The following MAP2K1 variants were observed in gnomAD, a reference collection of about 807,000 sequenced individuals.
MAP2K1 encodes mitogen-activated protein kinase kinase 1.
In MAP2K1, 16 loss-of-function variants were observed where a neutral mutation model predicts 46.3. The observed-to-expected ratio is 0.35, with a 90% CI of 0.23 to 0.52. The LOEUF (loss-of-function observed/expected upper bound fraction) is 0.52. Ranked by LOEUF, MAP2K1 falls within the 20% of genes least tolerant of loss-of-function variation. The pLI, the probability that MAP2K1 is intolerant of heterozygous loss-of-function variation, is 0.94. For missense variants in MAP2K1, 263 were observed against 497.1 expected (o/e 0.53, Z 4.48); for synonymous variants, 183 against 185.6 (o/e 0.99, Z 0.11).
chr15:66,437,732 C>T (rs1213462127), intron 3 of MAP2K1, among the ~76,000 whole-genome samples: 1 of 152,230 alleles, frequency 6.6e-6, no homozygotes, highest in Admixed American at 6.5e-5. Context: ...TTTTGAACCT[C>T]TCTTCATTGT....
At chr15:66,443,607 G>A (rs1017228163) in intron 4 of MAP2K1, among the ~76,000 whole-genome samples, 6 of 151,970 alleles carry the variant, frequency 3.9e-5, no homozygotes, top group Admixed American at 1.3e-4. Context: ...ACAGTGGCTC[G>A]CACCTGTAAT....
chr15:66,391,783 C>T (rs1174908719), intron 1 of MAP2K1, among the ~76,000 whole-genome samples: 1 of 152,154 alleles, frequency 6.6e-6, no homozygotes, highest in Non-Finnish European at 1.5e-5. Context: ...TAGTCACCCA[C>T]TCAACCATTC....
chr15:66,392,946 G>T (rs1296899704), intron 1 of MAP2K1, among the ~76,000 whole-genome samples: 1 of 152,190 alleles, frequency 6.6e-6, no homozygotes, highest in African/African-American at 2.4e-5. Context: ...TTGTAGAGCA[G>T]TCATGTTTGC....
At chr15:66,432,533 T>G (rs1595859667) in intron 1 of MAP2K1, among the ~76,000 whole-genome samples, 1 of 152,224 alleles carries the variant, frequency 6.6e-6, no homozygotes, top group East Asian at 1.9e-4. Flanking sequence ...AGCAGATCCA[T>G]CATCAGATTG....
chr15:66,466,854 A>ACATTT (rs1002957839), intron 5 of MAP2K1, among the ~76,000 whole-genome samples: 4 of 152,116 alleles, frequency 2.6e-5, no homozygotes, highest in Non-Finnish European at 5.9e-5. Context: ...ATATTCATGA[A>ACATTT]CATTTCAGCT....
intron 1 of MAP2K1, among the ~76,000 whole-genome samples, chr15:66,420,789 G>GTGTGTATATATA (rs1689968179): frequency 4.5e-4 from 8 of 17,900 alleles, no homozygotes; most frequent in African/African-American, 9.6e-4. Context: ...GTATATATAT[G>GTGTGTATATATA]TGTGTATATA....
chr15:66,403,806 C>T (rs1378560956), intron 1 of MAP2K1, among the ~76,000 whole-genome samples: 1 of 152,128 alleles, frequency 6.6e-6, no homozygotes, highest in Non-Finnish European at 1.5e-5. Context: ...AGATCAGACC[C>T]TCAGTCCATT....
intron 7 of MAP2K1, among the ~76,000 whole-genome samples, chr15:66,485,645 C>T (rs1013964060): frequency 6.6e-6 from 1 of 151,998 alleles, no homozygotes; most frequent in Non-Finnish European, 1.5e-5. Flanking sequence ...ATGGCATGAT[C>T]ACAGCTCACT....
intron 1 of MAP2K1, chr15:66,401,728 C>T (rs184243252): frequency 6.6e-6 from 1 of 152,174 alleles, no homozygotes; most frequent in East Asian, 1.9e-4. Context: ...TGTGCGCATC[C>T]AGGAGGGGAG....
At chr15:66,455,149 ACT>A (rs751893543) in intron 5 of MAP2K1, among the ~76,000 whole-genome samples, 7 of 152,052 alleles carry the variant, frequency 4.6e-5, no homozygotes, top group Admixed American at 2.0e-4. Context: ...TGAAGAATCC[ACT>A]CTCACCACAG....
At chr15:66,444,995 C>G (rs1166792488) in intron 5 of MAP2K1, 1 of 454,000 alleles carries the variant, frequency 2.2e-6, no homozygotes, top group Admixed American at 3.5e-5. Context: ...TCCGGTGTCA[C>G]TATTCACTGG....
At chr15:66,435,420 G>A (rs1276140733) in intron 2 of MAP2K1, among the ~76,000 whole-genome samples, 183 bp downstream of exon 2, 1 of 150,206 alleles carries the variant, frequency 6.7e-6, no homozygotes, top group Non-Finnish European at 1.5e-5. Flanking sequence ...CCATCTCCTG[G>A]GTTCAAACGA....
intron 1 of MAP2K1, among the ~76,000 whole-genome samples, chr15:66,417,943 G>A (rs142188414): frequency 3.7e-4 from 57 of 152,230 alleles, no homozygotes; most frequent in African/African-American, 1.0e-3. Context: ...GGACCCGACC[G>A]TACTTATGGT....
intron 1 of MAP2K1, among the ~76,000 whole-genome samples, chr15:66,408,743 G>A (rs2093404082): frequency 6.6e-6 from 1 of 151,964 alleles, no homozygotes; most frequent in South Asian, 2.1e-4. Flanking sequence ...TCTTCTACTG[G>A]GGATTCCCGT....
intron 1 of MAP2K1, among the ~76,000 whole-genome samples, chr15:66,420,257 CGAAT>C (rs911740095): frequency 8.1e-5 from 12 of 148,840 alleles, no homozygotes; most frequent in East Asian, 2.0e-4. Context: ...AATGAATGAA[CGAAT>C]GAATGAATGA....
At chr15:66,397,471 T>G (rs2093370956) in intron 1 of MAP2K1, among the ~76,000 whole-genome samples, 1 of 151,554 alleles carries the variant, frequency 6.6e-6, no homozygotes, top group South Asian at 2.1e-4. Context: ...GAGGCAAGAG[T>G]GGGAAAAGAA....
chr15:66,482,418 C>T (rs1040408508), intron 6 of MAP2K1, among the ~76,000 whole-genome samples: 1 of 152,196 alleles, frequency 6.6e-6, no homozygotes, highest in Non-Finnish European at 1.5e-5. Context: ...TCCCTCCTCA[C>T]TATGTCTGTC....
At chr15:66,401,200 A>G (rs920328118) in intron 1 of MAP2K1, among the ~76,000 whole-genome samples, 1 of 152,174 alleles carries the variant, frequency 6.6e-6, no homozygotes, top group African/African-American at 2.4e-5. Context: ...ATAGGCTTGT[A>G]AATGTTTTTG....
At chr15:66,436,971 T>C in intron 3 of MAP2K1, 79 bp downstream of exon 3, 1 of 1,470,636 alleles carries the variant, frequency 6.8e-7, no homozygotes, top group Admixed American at 1.7e-5. Flanking sequence ...GTCTGGGAGG[T>C]GACCAGCTAC....
Sources: allele counts gnomAD v4.1 joint callset (sites outside exome capture counted in the v4.1 genomes callset), GRCh38; gene constraint gnomAD v4.1.1; transcripts MANE v1.5; gene names NCBI Gene and HGNC (gene_info 2026-07-23, HGNC 2026-07-21).